The following DAB2IP variants were observed in gnomAD, a reference collection of about 807,000 sequenced individuals.
DAB2IP encodes disabled homolog 2-interacting protein.
A neutral mutation model predicts 107.2 loss-of-function variants in DAB2IP; 28 were observed. The ratio of observed to expected loss-of-function variants is 0.26; its 90% CI spans 0.19 to 0.36. DAB2IP has a LOEUF of 0.36. DAB2IP is among the 10% of genes least tolerant of loss of function. The probability of loss-of-function intolerance (pLI) is 1.00; values close to 1 mark genes in which losing one functional copy is unlikely to be tolerated. For missense variants in DAB2IP, 1,400 were observed against 1,644.7 expected, an observed-to-expected ratio of 0.85 and a Z score of 2.57; for synonymous variants, 755 against 706.4, an observed-to-expected ratio of 1.07 and a Z score of -1.09.
exon 12 of DAB2IP, chr9:121,773,296 C>G: frequency 6.6e-7 from 1 of 1,520,304 alleles, no homozygotes; most frequent in Non-Finnish European, 8.8e-7. Flanking sequence ...CCTCCGCCCC[C>G]ACCCCCGCCG....
At position 121,772,830 on chromosome 9, in the gene DAB2IP, G is replaced by C. The variant is rs908623993; in HGVS notation, c.2302G>C (p.Asp768His). Reference sequence around the variant, plus strand: ...GGAGGCAGGCTCCCCGGCGGGCCCCGACGTCCTCCCCACAGATGGGCAGGC... The same window carrying C: ...GGAGGCAGGCTCCCCGGCGGGCCCCCACGTCCTCCCCACAGATGGGCAGGC... The change falls in exon 12 of 16, where the codon GAC becomes CAC. Residue 768 changes from aspartate (D) to histidine (H), a missense_variant. Around this residue, in one of 3 missense-constraint regions of DAB2IP, gnomAD observed 600 missense variants for 659.1 expected, o/e 0.91. Coordinates refer to ENST00000408936, the Ensembl canonical transcript of DAB2IP. This position sits in a 1 kb window ranked among gnomAD's most constrained non-coding sequence, Gnocchi z 4.7. The C allele has an allele frequency of 6.2e-7, 1 of 1,603,950 alleles. No individual in the cohort carries two copies. Among genetic ancestry groups the C allele is most frequent in the Non-Finnish European group, 8.5e-7 (1 of 1,176,950 alleles).
chr9:121,688,387 C>T (rs904416681), intron 2 of DAB2IP, among the ~76,000 whole-genome samples: 4 of 152,206 alleles, frequency 2.6e-5, no homozygotes, highest in South Asian at 2.1e-4. Context: ...ACGTCTAAAA[C>T]GAGCTGAGCT....
intron 3 of DAB2IP, among the ~76,000 whole-genome samples, chr9:121,754,635 T>G (rs1021196258): frequency 6.6e-6 from 1 of 152,098 alleles, no homozygotes; most frequent in Non-Finnish European, 1.5e-5. Flanking sequence ...CCAGGATCCT[T>G]TCCAGGTCAG....
intron 2 of DAB2IP, among the ~76,000 whole-genome samples, chr9:121,691,359 A>G (rs1261132255): frequency 6.6e-6 from 1 of 152,062 alleles, no homozygotes; most frequent in African/African-American, 2.4e-5. Flanking sequence ...CTGAGGAGGT[A>G]CCTGAAGGGT....
rs531811881 is a variant in DAB2IP, at chr9:121,707,401, C to T, written c.362+7943C>T. On this transcript the variant is annotated intron_variant, in intron 3 of 15. Coordinates refer to ENST00000408936, the Ensembl canonical transcript of DAB2IP. Reference sequence around the variant, plus strand: ...TACATTACTGCATCAGATGCTCTGCCGAGTGAGTTACTCCTTAGCACAATG... The same window carrying T: ...TACATTACTGCATCAGATGCTCTGCTGAGTGAGTTACTCCTTAGCACAATG... 3.1e-4 allele frequency among the ~76,000 whole-genome samples: 47 copies of T among 152,300 alleles called. No individual in the cohort carries two copies. In the South Asian group the frequency reaches 8.7e-3, roughly 28 times the overall value.
chr9:121,630,800 G>T (rs1831848691), intron 1 of DAB2IP, among the ~76,000 whole-genome samples: 1 of 151,944 alleles, frequency 6.6e-6, no homozygotes. Flanking sequence ...TAGAGACAGG[G>T]TTTCACCATG....
intron 1 of DAB2IP, among the ~76,000 whole-genome samples, chr9:121,654,663 G>A (rs1832902465): frequency 6.6e-6 from 1 of 152,174 alleles, no homozygotes; most frequent in Non-Finnish European, 1.5e-5. Flanking sequence ...CACCCAGGGA[G>A]AAACTCAGGC....
chr9:121,568,037 G>T (rs1484601560), intron 1 of DAB2IP, among the ~76,000 whole-genome samples: 2 of 152,180 alleles, frequency 1.3e-5, no homozygotes, highest in Non-Finnish European at 2.9e-5. Context: ...TTGGGACTCA[G>T]CAGGGAGAAG....
At chr9:121,737,625 A>G (rs1288881321) in intron 3 of DAB2IP, 1 of 985,422 alleles carries the variant, frequency 1.0e-6, no homozygotes. Flanking sequence ...AGACCTGGCC[A>G]TCTTCGGAAG....
intron 1 of DAB2IP, among the ~76,000 whole-genome samples, chr9:121,593,641 C>A (rs768269624): frequency 9.5e-5 from 14 of 147,418 alleles, no homozygotes; most frequent in Non-Finnish European, 1.9e-4. Context: ...ATTTTATTTT[C>A]TTTTTCTTTT....
At chr9:121,749,277 G>A (rs1186227740) in intron 3 of DAB2IP, among the ~76,000 whole-genome samples, 1 of 152,224 alleles carries the variant, frequency 6.6e-6, no homozygotes, top group African/African-American at 2.4e-5. Context: ...ATGTCCTGCC[G>A]TTTGATTCCC....
intron 3 of DAB2IP, among the ~76,000 whole-genome samples, chr9:121,721,924 G>T (rs1442699128): frequency 1.3e-5 from 2 of 152,130 alleles, no homozygotes; most frequent in Non-Finnish European, 2.9e-5. Flanking sequence ...ATGGGGCCCC[G>T]CCCAGTCATG....
chr9:121,714,465 A>G (rs1487656917), intron 3 of DAB2IP, among the ~76,000 whole-genome samples: 1 of 152,234 alleles, frequency 6.6e-6, no homozygotes, highest in Non-Finnish European at 1.5e-5. Context: ...ACAGGCAGGC[A>G]GCTATTGGCG....
intron 1 of DAB2IP, among the ~76,000 whole-genome samples, chr9:121,673,671 G>T (rs1244586911): frequency 2.0e-5 from 3 of 152,166 alleles, no homozygotes; most frequent in Non-Finnish European, 4.4e-5. Flanking sequence ...ATTGAGAAAC[G>T]TGGGTCCAGA....
chr9:121,733,088 T>C (rs1831643901), intron 3 of DAB2IP, among the ~76,000 whole-genome samples: 1 of 152,242 alleles, frequency 6.6e-6, no homozygotes, highest in Non-Finnish European at 1.5e-5. Context: ...CCTTGTGGTC[T>C]CTTGTACCTT....
intron 1 of DAB2IP, among the ~76,000 whole-genome samples, chr9:121,625,664 G>GC (rs1831619485): frequency 1.1e-5 from 1 of 94,954 alleles, no homozygotes; most frequent in Admixed American, 1.0e-4. Flanking sequence ...AGGGCTTTCT[G>GC]CTTTTTTTTT....
At chr9:121,737,301 C>T (rs553852714) in intron 3 of DAB2IP, 4 of 985,470 alleles carry the variant, frequency 4.1e-6, no homozygotes, top group African/African-American at 1.7e-5. Context: ...ATGTGGTTAC[C>T]TGCATGGAAG....
intron 1 of DAB2IP, among the ~76,000 whole-genome samples, chr9:121,568,764 AG>A (rs1391027682): frequency 6.6e-6 from 1 of 152,124 alleles, no homozygotes; most frequent in African/African-American, 2.4e-5. Flanking sequence ...GAGGCAGGCG[AG>A]GGGGTGGGAA....
exon 12 of DAB2IP, chr9:121,773,282 C>A: frequency 3.3e-6 from 5 of 1,531,456 alleles, no homozygotes; most frequent in Non-Finnish European, 4.4e-6. Context: ...GGAGGATCGA[C>A]CAGCCTCCGC....
Sources: allele counts gnomAD v4.1 joint callset (sites outside exome capture counted in the v4.1 genomes callset), GRCh38; gene constraint gnomAD v4.1.1; regional missense constraint gnomAD v4.1.1; non-coding constraint Gnocchi (gnomAD v3.1); transcripts MANE v1.5; gene names NCBI Gene and HGNC (gene_info 2026-07-23, HGNC 2026-07-21).